The following CASP14 variants were observed in gnomAD, a reference collection of about 807,000 sequenced individuals.
CASP14 encodes caspase 14, also known as caspase-14.
CASP14 carries 27 observed loss-of-function variants against 28.4 expected under a neutral mutation model. That is an observed-to-expected ratio of 0.95 (90% CI 0.70 to 1.31). The LOEUF is 1.31. CASP14 is among the 50% of genes most tolerant of loss of function. The pLI is 0.00. For synonymous variants in CASP14, 115 were observed against 118.6 expected, an observed-to-expected ratio of 0.97 and a Z score of 0.20; for missense variants, 323 against 312.8, an observed-to-expected ratio of 1.03 and a Z score of -0.25.
At chr19:15,052,343 GT>G in intron 2 of CASP14, 65 bp downstream of exon 2, 1 of 1,451,112 alleles carries the variant, frequency 6.9e-7, no homozygotes. Context: ...GGATTTTAAT[GT>G]TTTGGAAAGA....
intron 6 of CASP14, 99 bp downstream of exon 6, chr19:15,055,632 C>CT (rs2046113424): frequency 2.6e-6 from 2 of 778,904 alleles, no homozygotes; most frequent in East Asian, 5.2e-5. Flanking sequence ...TTTCCCTCAG[C>CT]TCCAAATCCA....
Position 15,052,238 on chromosome 19 carries a change from C to A in CASP14, c.-14C>A. ...CAAGGGTGCTGAGAGCCGGGACTCA[C>A]AACCAAAGGAGAAATGAGCAATCCG... On this transcript the variant is annotated 5_prime_UTR_variant, in exon 2 of 7. Transcript: ENST00000427043. 6.3e-7 allele frequency: 1 copy of A among 1,586,754 alleles called. No homozygotes were observed. The highest frequency in any genetic ancestry group is 1.2e-5 in the South Asian group (1 of 85,948).
intron 6 of CASP14, 151 bp from the exon 7 acceptor site, chr19:15,055,834 A>C (rs2046114435): frequency 3.2e-6 from 2 of 627,214 alleles, no homozygotes; most frequent in Non-Finnish European, 5.7e-6. Flanking sequence ...AAAAATGCCC[A>C]GCCAAGGATT....
rs717309 is a variant in CASP14 at position 15,055,867 on chromosome 19, A to G, written c.625-118A>G. On this transcript the variant is annotated intron_variant, in intron 6 of 6. Transcript: ENST00000427043. ...ATTCCATACAAACTATGGTATAGGAAGAGGCCACAACGGTCTCTCATCTTA... is the reference window on the plus strand; with the variant it reads ...ATTCCATACAAACTATGGTATAGGAGGAGGCCACAACGGTCTCTCATCTTA... 296,069 of 710,912 alleles carry G rather than the reference A, an allele frequency of 0.42. 62,846 individuals carry two copies. The highest frequency in any genetic ancestry group is 0.47 in the Middle Eastern group (1,257 of 2,688). 44.0% of individuals were successfully genotyped at this position (710,912 alleles called of 1,614,324 possible).
chr19:15,050,628 G>A (rs1305266547), intron 1 of CASP14, among the ~76,000 whole-genome samples: 1 of 151,880 alleles, frequency 6.6e-6, no homozygotes, highest in African/African-American at 2.4e-5. Flanking sequence ...TTGGAAGATA[G>A]AATAGATGGA....
intron 6 of CASP14, 54 bp downstream of exon 6, chr19:15,055,587 C>A: frequency 1.5e-6 from 2 of 1,308,712 alleles, no homozygotes; most frequent in Non-Finnish European, 2.2e-6. Flanking sequence ...AGGGTGCAGG[C>A]GGAGGGGGCT....
Position 15,056,028 on chromosome 19 carries a change from A to C in CASP14, c.668A>C (p.Lys223Thr). 1 of 1,609,366 alleles carries C rather than the reference A, an allele frequency of 6.2e-7. No homozygotes were observed. The highest frequency in any genetic ancestry group is 8.5e-7 in the Non-Finnish European group (1 of 1,177,766). Residue 223 changes from lysine to threonine, a missense_variant, in exon 7 of 7, where the codon AAA (lysine) becomes ACA (threonine). Physicochemically the swap from Lys to Thr is moderately conservative, Grantham distance 78. Coordinates refer to ENST00000427043, the MANE Select transcript of CASP14 (RefSeq NM_012114.3). The stretch of plus-strand genomic sequence containing the variant: ...GAAGCAGAGCTGGTTCAAGAAGGAA[A>C]AGCAAGGAAAACGAACCCTGAAATC... ...MAEAELVQEG[K>T]ARKTNPEIQS...
chr19:15,055,344 C>A, intron 5 of CASP14, 70 bp downstream of exon 5: 1 of 1,554,574 alleles, frequency 6.4e-7, no homozygotes, highest in Non-Finnish European at 8.9e-7. Flanking sequence ...AACTCCTGAA[C>A]CTCTCCTCCA....
intron 4 of CASP14, among the ~76,000 whole-genome samples, chr19:15,054,453 G>A (rs2046106321): frequency 6.6e-6 from 1 of 152,122 alleles, no homozygotes; most frequent in Admixed American, 6.5e-5. Context: ...ATGGTGGCAT[G>A]GGCCTGTGGT....
chr19:15,057,090 C>T lies in CASP14; in HGVS notation c.*1001C>T, dbSNP rs2046121102. On this transcript the variant is annotated 3_prime_UTR_variant, in exon 7 of 7. Coordinates refer to ENST00000427043, the MANE Select transcript of CASP14 (RefSeq NM_012114.3). Reference sequence around the variant, plus strand: ...AGTTTCTAGAAATTTTCAATAACCACCAGCCAAGGTTACCTCCAGGTAACC... The same window carrying T: ...AGTTTCTAGAAATTTTCAATAACCATCAGCCAAGGTTACCTCCAGGTAACC... 6.6e-6 allele frequency: 1 copy of T among 152,096 alleles called. No homozygotes were observed. The highest frequency in any genetic ancestry group is 2.1e-4 in the South Asian group (1 of 4,826). 9.4% of individuals were successfully genotyped at this position (152,096 alleles called of 1,614,324 possible).
At chr19:15,055,600 GCCT>G (rs1000987619) in intron 6 of CASP14, 67 bp downstream of exon 6, 7 of 1,101,266 alleles carry the variant, frequency 6.4e-6, no homozygotes, top group African/African-American at 1.5e-5. Context: ...AGGGGGCTGA[GCCT>G]CCTCCTAACC....
chr19:15,056,201 C>G lies in CASP14; in HGVS notation c.*112C>G. ...CTTCTGTTCCCAAGGCCAAATGGCA[C>G]CCAGTTTCTTTTCCATCACACCCTT... On this transcript the variant is annotated 3_prime_UTR_variant, in exon 7 of 7. Transcript: ENST00000427043. The G allele has an allele frequency of 2.4e-6, 2 of 833,272 alleles. No individual in the cohort carries two copies. The highest frequency in any genetic ancestry group is 3.9e-6 in the Non-Finnish European group (2 of 517,360). 51.6% of individuals were successfully genotyped at this position (833,272 alleles called of 1,614,324 possible). A position where few individuals can be genotyped will look rare whatever the true frequency, so the allele number is the denominator to read the frequency against.
At position 15,056,112 on chromosome 19, in the gene CASP14, T is replaced by C; in HGVS notation, c.*23T>C. ...TAGAAGTAGAAAGACCAGGAGGAGC[T>C]TTCCTTCCAGCATTCTTTCTGTCTC... On this transcript the variant is annotated 3_prime_UTR_variant, in exon 7 of 7. Coordinates refer to ENST00000427043, the MANE Select transcript of CASP14 (RefSeq NM_012114.3). 1 of 1,525,196 alleles carries C rather than the reference T, an allele frequency of 6.6e-7. No homozygotes were observed. The highest frequency in any genetic ancestry group is 8.9e-7 in the Non-Finnish European group (1 of 1,117,416). The allele number at this position is 1,525,196 out of a possible 1,614,324, so 94.5% of individuals were successfully genotyped here. A position where few individuals can be genotyped will look rare whatever the true frequency, so the allele number is the denominator to read the frequency against.
chr19:15,052,408 AG>A, intron 2 of CASP14, 130 bp downstream of exon 2: 2 of 956,152 alleles, frequency 2.1e-6, no homozygotes. Flanking sequence ...GGTACTTTGT[AG>A]TCAATCAAAC....
intron 2 of CASP14, 83 bp from the exon 3 acceptor site, chr19:15,053,399 C>T (rs1262568564): frequency 1.3e-5 from 20 of 1,553,836 alleles, no homozygotes; most frequent in Non-Finnish European, 1.8e-5. Flanking sequence ...TGAGCCACCA[C>T]ACCCAGCCTG....
intron 3 of CASP14, 41 bp downstream of exon 3, chr19:15,053,672 A>G (rs754206454): frequency 6.2e-7 from 1 of 1,614,000 alleles, no homozygotes; most frequent in Non-Finnish European, 8.5e-7. Flanking sequence ...GGGGAAAGGT[A>G]CTAGGTTGGA....
chr19:15,055,298 G>GGATC, intron 5 of CASP14, 24 bp downstream of exon 5: 1 of 1,596,558 alleles, frequency 6.3e-7, no homozygotes, highest in Non-Finnish European at 8.6e-7. Context: ...GCTGGCCCAG[G>GGATC]GATCCCTCTG....
At chr19:15,052,447 G>A (rs1217009465) in intron 2 of CASP14, among the ~76,000 whole-genome samples, 169 bp downstream of exon 2, 2 of 152,132 alleles carry the variant, frequency 1.3e-5, no homozygotes, top group African/African-American at 2.4e-5. Flanking sequence ...AGATGGAACC[G>A]AAGTTGGGTT....
intron 2 of CASP14, among the ~76,000 whole-genome samples, chr19:15,052,922 A>G (rs1600068064): frequency 6.6e-6 from 1 of 152,338 alleles, no homozygotes; most frequent in South Asian, 2.1e-4. Flanking sequence ...TTTGGGAACT[A>G]AAAATAAAGG....
Sources: gnomAD v4.1 joint callset for allele counts (sites outside exome capture counted in the v4.1 genomes callset) on GRCh38, gnomAD v4.1.1 for gene constraint, MANE v1.5 for transcripts, NCBI Gene and HGNC (gene_info 2026-07-23, HGNC 2026-07-21) for gene names.